The following DAO variants were observed in gnomAD, a reference collection of about 807,000 sequenced individuals.
DAO encodes the protein D-amino-acid oxidase.
In DAO, 51 loss-of-function variants were observed where a neutral mutation model predicts 50.1. The ratio of observed to expected loss-of-function variants is 1.02; its 90% CI spans 0.81 to 1.29. The LOEUF is 1.29. Among genes scored for constraint, DAO ranks in the 50% most tolerant of loss-of-function variants. DAO has a pLI of 0.00. For missense variants in DAO, 436 were observed against 439.4 expected (o/e 0.99, Z 0.07); for synonymous variants, 160 against 166.2 (o/e 0.96, Z 0.29).
At chr12:108,885,943 T>C (rs1360721563) in intron 2 of DAO, among the ~76,000 whole-genome samples, 1 of 152,212 alleles carries the variant, frequency 6.6e-6, no homozygotes, top group Non-Finnish European at 1.5e-5. Flanking sequence ...TTAGTAGAGA[T>C]GGAGTTTCAT....
chr12:108,882,621 C>T, intron 1 of DAO, among the ~76,000 whole-genome samples: 1 of 152,172 alleles, frequency 6.6e-6, no homozygotes, highest in Non-Finnish European at 1.5e-5. Context: ...TGAAAGTCTG[C>T]ATCCTGGGAG....
chr12:108,880,166 T>C lies in DAO; in HGVS notation c.-68T>C, dbSNP rs535219195. ...GAATCAGGAGCTTCCCCTCAGGAAATAGCATCCTGTGTCCCCGCACTGCAG... is the reference window on the plus strand; with the variant it reads ...GAATCAGGAGCTTCCCCTCAGGAAACAGCATCCTGTGTCCCCGCACTGCAG... On this transcript the variant is annotated 5_prime_UTR_variant, in exon 1 of 11. Transcript: ENST00000228476. The C allele has an allele frequency of 1.8e-5, 8 of 456,402 alleles. 1 individual carries two copies. The highest frequency in any genetic ancestry group is 1.1e-4 in the South Asian group (7 of 64,506). The allele number at this position is 456,402 out of a possible 1,614,324, so 28.3% of individuals were successfully genotyped here.
chr12:108,885,919 T>C (rs2137342792), intron 2 of DAO, among the ~76,000 whole-genome samples: 1 of 152,290 alleles, frequency 6.6e-6, no homozygotes, highest in South Asian at 2.1e-4. Flanking sequence ...CACGCCTGGC[T>C]AATTTTTGTA....
chr12:108,882,250 C>T (rs534368809), intron 1 of DAO, among the ~76,000 whole-genome samples: 84 of 152,270 alleles, frequency 5.5e-4, no homozygotes, highest in African/African-American at 1.9e-3. Flanking sequence ...TGGTGGCTCA[C>T]GCCTGTAATC....
chr12:108,898,652 T>A, intron 8 of DAO, 27 bp from the exon 9 acceptor site: 1 of 1,488,778 alleles, frequency 6.7e-7, no homozygotes, highest in Non-Finnish European at 9.4e-7. Context: ...TTTTCCTTCA[T>A]CCTTGACCCT....
intron 7 of DAO, among the ~76,000 whole-genome samples, chr12:108,896,632 C>T (rs540130577): frequency 1.3e-5 from 2 of 152,128 alleles, no homozygotes; most frequent in Admixed American, 1.3e-4. Flanking sequence ...CCCTTCCCCC[C>T]GCAGCTGTGA....
chr12:108,892,987 C>G lies in DAO; in HGVS notation c.458C>G (p.Thr153Ser). ...NYLQWLTERL[T>S]ERGVKFFQRK... Reference sequence around the variant, plus strand: ...GATGTGTTTGATCATCCCAGGTTAACTGAGAGGGGAGTGAAGTTCTTCCAG... The same window carrying G: ...GATGTGTTTGATCATCCCAGGTTAAGTGAGAGGGGAGTGAAGTTCTTCCAG... The change falls in exon 6 of 11, where the codon ACT (threonine) becomes AGT (serine). Residue 153 changes from threonine (T) to serine (S), a missense_variant. By Grantham distance (58) the Thr-to-Ser change is moderately conservative. Coordinates refer to ENST00000228476, the MANE Select transcript of DAO (RefSeq NM_001917.5). The G allele has an allele frequency of 6.2e-7, 1 of 1,614,056 alleles. No individual in the cohort carries two copies. Among genetic ancestry groups the G allele is most frequent in the Non-Finnish European group, 8.5e-7 (1 of 1,179,934 alleles).
At chr12:108,881,771 AT>A (rs1290679058) in intron 1 of DAO, among the ~76,000 whole-genome samples, 2 of 151,246 alleles carry the variant, frequency 1.3e-5, no homozygotes, top group Non-Finnish European at 2.9e-5. Context: ...TGCCAAGCTA[AT>A]TTTTTTGTAT....
In DAO at chr12:108,885,539, G is replaced by T. The variant is rs535371797; in HGVS notation, c.194+339G>T. ...GCAGGAAAACCATTTGAGCCTAGGAGGTGAAGGTGGCAGTGAGCTGAGATT... is the reference window on the plus strand; with the variant it reads ...GCAGGAAAACCATTTGAGCCTAGGATGTGAAGGTGGCAGTGAGCTGAGATT... On this transcript the variant is annotated intron_variant, in intron 2 of 10. Coordinates refer to ENST00000228476, the MANE Select transcript of DAO (RefSeq NM_001917.5). Among the ~76,000 whole-genome samples, 5 of 152,240 alleles carry T rather than the reference G, an allele frequency of 3.3e-5. No homozygotes were observed. In the East Asian group the frequency reaches 9.6e-4, roughly 29 times the overall value.
rs1006372386 is a variant in DAO at position 108,900,602 on chromosome 12, G to A, written c.*67G>A. On this transcript the variant is annotated 3_prime_UTR_variant, in exon 11 of 11. Transcript: ENST00000228476. The stretch of plus-strand genomic sequence containing the variant: ...CTCCCCTCAGCCAATGAATCAATGT[G>A]CTCCTTCATAAGCCATTGCTTCTCC... The A allele has an allele frequency of 6.9e-6, 11 of 1,588,824 alleles. No individual in the cohort carries two copies. Among genetic ancestry groups the A allele is most frequent in the Non-Finnish European group, 9.5e-6 (11 of 1,161,376 alleles).
In DAO at chr12:108,885,172, C is replaced by T; in HGVS notation, c.166C>T (p.Leu56Phe). The T allele has an allele frequency of 1.9e-6, 3 of 1,613,498 alleles. No individual in the cohort carries two copies. The highest frequency in any genetic ancestry group is 2.2e-5 in the East Asian group (1 of 44,864). Residue 56 changes from leucine to phenylalanine, a missense_variant, in exon 2 of 11, where the codon CTT becomes TTT. Coordinates refer to ENST00000228476, the MANE Select transcript of DAO (RefSeq NM_001917.5). Reference protein sequence around the residue: ...DVAAGLWQPYLSDPNNPQEAD... With the variant: ...DVAAGLWQPYFSDPNNPQEAD... ...GGCTGCCGGCCTCTGGCAGCCCTAC[C>T]TTTCTGACCCCAACAACCCACAGGA...
At chr12:108,890,395 T>C (rs2039479119) in intron 5 of DAO, 122 bp downstream of exon 5, 1 of 756,552 alleles carries the variant, frequency 1.3e-6, no homozygotes. Context: ...CCCTTAGGCC[T>C]GGTGTGGGAG....
rs1329285393 is a variant in DAO at position 108,900,478 on chromosome 12, C to T, written c.987C>T (p.Leu329=). Residue 329 remains leucine, a synonymous_variant, in exon 11 of 11, where the codon CTC becomes CTT. Transcript: ENST00000228476. The part of the protein sequence containing the change: ...HWGCALEAAK[L]FGRILEEKKL... ...GATGTGCCCTGGAGGCAGCCAAGCT[C>T]TTTGGGAGAATCCTGGAAGAAAAGA... The T allele has an allele frequency of 6.2e-7, 1 of 1,614,174 alleles. No individual in the cohort carries two copies.
chr12:108,890,611 AT>A (rs2039480789), intron 5 of DAO, among the ~76,000 whole-genome samples: 4 of 151,954 alleles, frequency 2.6e-5, no homozygotes, highest in Admixed American at 2.6e-4. Context: ...GCTGCCTTTT[AT>A]TTTTATCTCC....
At chr12:108,900,342 C>T (rs558917089) in intron 10 of DAO, 62 bp from the exon 11 acceptor site, 7 of 1,592,412 alleles carry the variant, frequency 4.4e-6, no homozygotes, top group East Asian at 2.2e-5. Flanking sequence ...GGCAGAAGAG[C>T]TTCATCTATT....
At chr12:108,887,038 G>C (rs762945057) in intron 2 of DAO, among the ~76,000 whole-genome samples, 2 of 152,164 alleles carry the variant, frequency 1.3e-5, no homozygotes, top group South Asian at 2.1e-4. Flanking sequence ...GTGTGCCCAG[G>C]GGGAGGAGGA....
In DAO at chr12:108,898,695, C is replaced by T. The variant is rs774165217; in HGVS notation, c.712C>T (p.Leu238Phe). ...TGTATCTAGGACCCAGACAGTTACT[C>T]TTGGAGGCATCTTCCAGTTGGGAAA... ...YIIPGTQTVT[L>F]GGIFQLGNWS... Residue 238 changes from leucine to phenylalanine, a missense_variant, in exon 9 of 11, where the codon CTT (leucine) becomes TTT (phenylalanine). Transcript: ENST00000228476. 3 of 1,612,762 alleles carry T rather than the reference C, an allele frequency of 1.9e-6. No individual in the cohort carries two copies. In the Admixed American group the frequency reaches 5.0e-5, roughly 27 times the overall value.
At chr12:108,883,174 T>G (rs190641044) in intron 1 of DAO, among the ~76,000 whole-genome samples, 26 of 151,676 alleles carry the variant, frequency 1.7e-4, no homozygotes, top group Admixed American at 3.9e-4. Flanking sequence ...TGAGGCAGAA[T>G]TTCGCTCTGT....
chr12:108,885,562 A>G lies in DAO; in HGVS notation c.194+362A>G, dbSNP rs183733131. Among the ~76,000 whole-genome samples, 463 of 152,214 alleles carry G rather than the reference A, an allele frequency of 3.0e-3. 6 individuals carry two copies. The highest frequency in any genetic ancestry group is 0.01 in the African/African-American group (420 of 41,536). Reference sequence around the variant, plus strand: ...GAGGTGAAGGTGGCAGTGAGCTGAGATTCCGCCACTGCACTCGTGACAGAG... The same window carrying G: ...GAGGTGAAGGTGGCAGTGAGCTGAGGTTCCGCCACTGCACTCGTGACAGAG... On this transcript the variant is annotated intron_variant, in intron 2 of 10. Coordinates refer to ENST00000228476, the MANE Select transcript of DAO (RefSeq NM_001917.5).
Sources: gnomAD v4.1 joint callset for allele counts (sites outside exome capture counted in the v4.1 genomes callset) on GRCh38, gnomAD v4.1.1 for gene constraint, MANE v1.5 for transcripts, NCBI Gene and HGNC (gene_info 2026-07-23, HGNC 2026-07-21) for gene names.